LTBP1: variants seen among roughly 807,000 people sequenced by gnomAD.
The protein encoded by LTBP1 is latent transforming growth factor beta binding protein 1, also known as latent-transforming growth factor beta-binding protein 1.
Under a neutral mutation model 207.6 loss-of-function variants are expected in LTBP1, and 129 were observed. The observed-to-expected ratio is 0.62, with a 90% CI of 0.54 to 0.72. The LOEUF is 0.72. Ranked by LOEUF, LTBP1 falls within the 30% of genes least tolerant of loss-of-function variation. The pLI, the probability that LTBP1 is intolerant of heterozygous loss-of-function variation, is 0.00. For missense variants in LTBP1, 2,281 were observed against 2,217.2 expected (o/e 1.03, Z -0.58); for synonymous variants, 963 against 833.7 (o/e 1.16, Z -2.67).
rs1685930538 is a variant in LTBP1, at chr2:33,000,451, A to T, written c.566-20458A>T. Among the ~76,000 whole-genome samples the T allele has an allele frequency of 1.5e-5, 2 of 134,578 alleles. 1 individual carries two copies. Among genetic ancestry groups the T allele is most frequent in the East Asian group, 7.7e-4 (2 of 2,594 alleles). The allele number at this position is 134,578 out of a possible 152,430, so 88.3% of individuals were successfully genotyped here. On this transcript the variant is annotated intron_variant, in intron 2 of 33. Transcript: ENST00000404816. The stretch of plus-strand genomic sequence containing the variant: ...AGACCTTTGGTTTTGGGTTAAATGG[A>T]GGTTGCCAGGTGGAGGTGGAAGTTG...
At chr2:33,243,858 T>C in intron 10 of LTBP1, 74 bp downstream of exon 10, 5 of 1,537,824 alleles carry the variant, frequency 3.3e-6, no homozygotes, top group Non-Finnish European at 4.5e-6. Flanking sequence ...ACGGAAATAC[T>C]CAGTGGCCAA....
At chr2:32,976,245 A>G (rs1470674321) in intron 2 of LTBP1, among the ~76,000 whole-genome samples, 1 of 152,094 alleles carries the variant, frequency 6.6e-6, no homozygotes, top group East Asian at 1.9e-4. Flanking sequence ...TGGTGTGCTG[A>G]AGGGGCCAAG....
At chr2:33,053,532 G>C (rs74825240) in intron 3 of LTBP1, among the ~76,000 whole-genome samples, 14,727 of 151,914 alleles carry the variant, frequency 0.097, 949 homozygotes, top group Non-Finnish European at 0.14. Flanking sequence ...CGGCCTCGGC[G>C]CCCAGTCTAC....
intron 4 of LTBP1, among the ~76,000 whole-genome samples, chr2:33,112,986 A>G (rs779283111): frequency 2.0e-5 from 3 of 152,200 alleles, no homozygotes; most frequent in Non-Finnish European, 4.4e-5. Context: ...GTCAAACAGA[A>G]GCTGATAGCT....
chr2:33,194,806 C>G (rs537420726), intron 7 of LTBP1, among the ~76,000 whole-genome samples: 3 of 152,334 alleles, frequency 2.0e-5, no homozygotes, highest in South Asian at 4.2e-4. Flanking sequence ...ACTTTCATAG[C>G]TAGAGAGAAA....
At chr2:33,202,022 AACACACACACACACACACAC>A (rs10558832) in intron 7 of LTBP1, among the ~76,000 whole-genome samples, 10 of 140,674 alleles carry the variant, frequency 7.1e-5, no homozygotes, top group Middle Eastern at 3.5e-3. Flanking sequence ...TTAGCACTGG[AACACACACACACACACACAC>A]ACACACACAC....
chr2:33,023,030 C>T (rs570159677), intron 3 of LTBP1, among the ~76,000 whole-genome samples: 1 of 152,176 alleles, frequency 6.6e-6, no homozygotes, highest in African/African-American at 2.4e-5. Context: ...GATAGTAGTG[C>T]TTTTTTTGTG....
chr2:33,294,452 C>G (rs1001049614), intron 20 of LTBP1, among the ~76,000 whole-genome samples: 2 of 152,032 alleles, frequency 1.3e-5, no homozygotes, highest in South Asian at 4.1e-4. Context: ...CCACCTAGGC[C>G]TCCCAAATTG....
chr2:33,218,443 C>T (rs1419037121), intron 8 of LTBP1, among the ~76,000 whole-genome samples: 1 of 152,164 alleles, frequency 6.6e-6, no homozygotes. Context: ...GTCGCCCAGG[C>T]TGGAGCACAG....
rs189524514 is a variant in LTBP1 at position 33,271,551 on chromosome 2, A to T, written c.2618-2105A>T. ...TATAACCTGGTGAAGATTACCTTTT[A>T]CCTTCAGATTTTAGGTACATACAAG... On this transcript the variant is annotated intron_variant, in intron 15 of 33. Coordinates refer to ENST00000404816, the MANE Select transcript of LTBP1 (RefSeq NM_206943.4). Among the ~76,000 whole-genome samples the T allele has an allele frequency of 6.6e-5, 10 of 152,298 alleles. 1 individual carries two copies. The highest frequency in any genetic ancestry group is 2.2e-4 in the African/African-American group (9 of 41,576).
At chr2:32,994,071 A>G (rs1034893636) in intron 2 of LTBP1, among the ~76,000 whole-genome samples, 4 of 151,824 alleles carry the variant, frequency 2.6e-5, no homozygotes, top group Admixed American at 2.6e-4. Context: ...AGTCAGATCC[A>G]AGTGATTATT....
At chr2:33,126,686 T>C (rs550244684) in intron 4 of LTBP1, among the ~76,000 whole-genome samples, 7 of 152,360 alleles carry the variant, frequency 4.6e-5, no homozygotes, top group African/African-American at 1.7e-4. Flanking sequence ...CTATATATGA[T>C]GATTTTGGGA....
At chr2:33,040,836 T>C (rs2076147357) in intron 3 of LTBP1, among the ~76,000 whole-genome samples, 1 of 152,152 alleles carries the variant, frequency 6.6e-6, no homozygotes. Flanking sequence ...TTGTGCTGTG[T>C]GGCGGGGAGG....
intron 4 of LTBP1, among the ~76,000 whole-genome samples, chr2:33,119,774 G>A (rs191021151): frequency 0.016 from 2,443 of 152,204 alleles, 35 homozygotes; most frequent in Non-Finnish European, 0.02. Context: ...TAGCCAGGAT[G>A]GTCTTGATCT....
At chr2:33,294,629 A>G (rs1294886858) in intron 20 of LTBP1, among the ~76,000 whole-genome samples, 1 of 141,156 alleles carries the variant, frequency 7.1e-6, no homozygotes, top group Non-Finnish European at 1.5e-5. Flanking sequence ...CCCAGGCTAG[A>G]GTGCAGTAGT....
rs139801885 is a variant in LTBP1, at chr2:33,331,774, A to T, written c.3731-11064A>T. ...TGTCTGCTTACTATATAAATGACTG[A>T]GGAGTATGTAAGAAAACTACATGTA... On this transcript the variant is annotated intron_variant, in intron 24 of 33. Transcript: ENST00000404816. Among the ~76,000 whole-genome samples, 708 of 152,242 alleles carry T rather than the reference A, an allele frequency of 4.7e-3. 4 individuals carry two copies. The highest frequency in any genetic ancestry group is 0.016 in the African/African-American group (678 of 41,566).
At chr2:33,377,180 A>C (rs748753744) in intron 31 of LTBP1, among the ~76,000 whole-genome samples, 6 of 152,214 alleles carry the variant, frequency 3.9e-5, no homozygotes, top group African/African-American at 9.6e-5. Flanking sequence ...AGAGCTCTGG[A>C]GGAGTGTCCT....
At position 33,038,559 on chromosome 2, in the gene LTBP1, A is replaced by G. The variant is rs190572216; in HGVS notation, c.863+17353A>G. Among the ~76,000 whole-genome samples the G allele has an allele frequency of 2.0e-5, 3 of 152,310 alleles. No individual in the cohort carries two copies. The East Asian group carries it at 5.8e-4, about 29-fold the overall frequency. On this transcript the variant is annotated intron_variant, in intron 3 of 33. Transcript: ENST00000404816. ...CTCTTACTTTCTTGACATCTCAGCCATATTTTATATTTTGTCCAGCAATCT... is the reference window on the plus strand; with the variant it reads ...CTCTTACTTTCTTGACATCTCAGCCGTATTTTATATTTTGTCCAGCAATCT...
intron 3 of LTBP1, among the ~76,000 whole-genome samples, chr2:33,048,766 A>G (rs1410511451): frequency 6.6e-6 from 1 of 152,204 alleles, no homozygotes; most frequent in Non-Finnish European, 1.5e-5. Context: ...AGACTTACAG[A>G]TGATAGGATA....
Sources: gnomAD v4.1 joint callset for allele counts (sites outside exome capture counted in the v4.1 genomes callset) on GRCh38, gnomAD v4.1.1 for gene constraint, MANE v1.5 for transcripts, NCBI Gene and HGNC (gene_info 2026-07-23, HGNC 2026-07-21) for gene names.